Variants in EDC4 observed in about 807,000 individuals in gnomAD.
The protein encoded by EDC4 is enhancer of mRNA decapping 4, also known as enhancer of mRNA-decapping protein 4.
In EDC4, 64 loss-of-function variants were observed where a neutral mutation model predicts 155.8. That is an observed-to-expected ratio of 0.41 (90% CI 0.34 to 0.51). The LOEUF (loss-of-function observed/expected upper bound fraction) is 0.51. Ranked by LOEUF, EDC4 falls within the 20% of genes least tolerant of loss-of-function variation. The probability of loss-of-function intolerance (pLI) is 0.19; values close to 1 mark genes in which losing one functional copy is unlikely to be tolerated. For missense variants in EDC4, 1,303 were observed against 1,812.5 expected (o/e 0.72, Z 5.10); for synonymous variants, 684 against 716.8 (o/e 0.95, Z 0.73).
rs149942667 is a variant in EDC4 at position 67,877,602 on chromosome 16, C to T, written c.735C>T (p.Ser245=). The T allele has an allele frequency of 1.5e-5, 25 of 1,614,030 alleles. No individual in the cohort carries two copies. Among genetic ancestry groups the T allele is most frequent in the South Asian group, 2.2e-5 (2 of 91,084 alleles). The change falls in exon 6 of 29, where the codon AGC becomes AGT. Residue 245 remains serine, a synonymous_variant. Coordinates refer to ENST00000358933, the MANE Select transcript of EDC4 (RefSeq NM_014329.5). This position sits in a 1 kb window ranked among gnomAD's most constrained non-coding sequence, Gnocchi z 4.9. ...GGTGCCCCTTCATCCCTGAGGAGAGCGAAGACTGCTGTGAGGAGAGCAGCC... is the reference window on the plus strand; with the variant it reads ...GGTGCCCCTTCATCCCTGAGGAGAGTGAAGACTGCTGTGAGGAGAGCAGCC... The part of the protein sequence containing the change: ...IIWCPFIPEE[S]EDCCEESSPT...
In EDC4 at chr16:67,880,788, C is replaced by T. The variant is rs1452220132; in HGVS notation, c.2329C>T (p.His777Tyr). Residue 777 changes from histidine (H) to tyrosine (Y), a missense_variant, in exon 18 of 29, where the codon CAC (histidine) becomes TAC (tyrosine). By Grantham distance (83) the His-to-Tyr change is moderately conservative. Around this residue, in one of 5 missense-constraint regions of EDC4, gnomAD observed 391 missense variants for 445.4 expected, o/e 0.88. Coordinates refer to ENST00000358933, the MANE Select transcript of EDC4 (RefSeq NM_014329.5). The surrounding 1 kb of genome is among the most constrained non-coding windows in gnomAD (Gnocchi z 5.2). ...DSMASAASALHLLSPRPRPGP... is the reference protein window; with the variant it reads ...DSMASAASALYLLSPRPRPGP... Reference sequence around the variant, plus strand: ...TATGGCTTCAGCCGCCTCGGCACTGCACCTGCTGTCCCCACGGCCCCGGCC... The same window carrying T: ...TATGGCTTCAGCCGCCTCGGCACTGTACCTGCTGTCCCCACGGCCCCGGCC... The T allele has an allele frequency of 6.2e-7, 1 of 1,614,074 alleles. No individual in the cohort carries two copies. Among genetic ancestry groups the T allele is most frequent in the East Asian group, 2.2e-5 (1 of 44,874 alleles).
chr16:67,883,562 C>T lies in EDC4; in HGVS notation c.3850-6C>T. 3 of 1,612,890 alleles carry T rather than the reference C, an allele frequency of 1.9e-6. No homozygotes were observed. The highest frequency in any genetic ancestry group is 2.5e-6 in the Non-Finnish European group (3 of 1,179,870). On this transcript the variant is annotated splice_region_variant and splice_polypyrimidine_tract_variant and intron_variant, in intron 27 of 28. Coordinates refer to ENST00000358933, the MANE Select transcript of EDC4 (RefSeq NM_014329.5). The surrounding 1 kb of genome is among the most constrained non-coding windows in gnomAD (Gnocchi z 5.3). ...CTATAAACACTGCTGCTTTTTTCTC[C>T]TCCAGGCGCTGACAGCTGCTGACCT...
chr16:67,878,819 C>A lies in EDC4; in HGVS notation c.1267C>A (p.Leu423Ile), dbSNP rs769254133. The change falls in exon 11 of 29, where the codon CTC becomes ATC. Residue 423 changes from leucine (L) to isoleucine (I), a missense_variant. This residue lies in a region of EDC4 where 235 missense variants were observed against 367.7 expected (regional missense o/e 0.64). Transcript: ENST00000358933. The surrounding 1 kb of genome is among the most constrained non-coding windows in gnomAD (Gnocchi z 5.2). Reference sequence around the variant, plus strand: ...GGACCTCTCAGCAGAATACCTGATTCTCAGCGATGTGCAACGGAAGGTAGG... The same window carrying A: ...GGACCTCTCAGCAGAATACCTGATTATCAGCGATGTGCAACGGAAGGTAGG... Reference protein sequence around the residue: ...CLDLSAEYLILSDVQRKVLYV... With the variant: ...CLDLSAEYLIISDVQRKVLYV... 6.2e-7 allele frequency: 1 copy of A among 1,613,992 alleles called. No individual in the cohort carries two copies. The highest frequency in any genetic ancestry group is 1.1e-5 in the South Asian group (1 of 91,092).
In EDC4 at chr16:67,876,504, G is replaced by A. The variant is rs924477174; in HGVS notation, c.256G>A (p.Asp86Asn). The A allele has an allele frequency of 6.2e-6, 10 of 1,614,120 alleles. No homozygotes were observed. The highest frequency in any genetic ancestry group is 8.5e-6 in the Non-Finnish European group (10 of 1,180,036). Residue 86 changes from aspartate to asparagine, a missense_variant, in exon 3 of 29, where the codon GAT (aspartate) becomes AAT (asparagine). Asp to Asn is a conservative substitution (Grantham distance 23). Around this residue, in one of 5 missense-constraint regions of EDC4, gnomAD observed 99 missense variants for 121.3 expected, o/e 0.82. Coordinates refer to ENST00000358933, the MANE Select transcript of EDC4 (RefSeq NM_014329.5). The surrounding 1 kb of genome is among the most constrained non-coding windows in gnomAD (Gnocchi z 5.8). ...EKQVICLSGDDSSTCIGILAK... is the reference protein window; with the variant it reads ...EKQVICLSGDNSSTCIGILAK... ...TCCCCACAGCTGTCTCTCAGGAGAT[G>A]ATAGCTCCACCTGCATTGGGATTTT...
rs1180488304 is a variant in EDC4, at chr16:67,879,489, C to G, written c.1619C>G (p.Ala540Gly). The G allele has an allele frequency of 1.2e-6, 2 of 1,614,102 alleles. No homozygotes were observed. Among genetic ancestry groups the G allele is most frequent in the African/African-American group, 1.3e-5 (1 of 74,936 alleles). Residue 540 changes from alanine (A) to glycine (G), a missense_variant, in exon 14 of 29, where the codon GCC becomes GGC. Coordinates refer to ENST00000358933, the MANE Select transcript of EDC4 (RefSeq NM_014329.5). The surrounding 1 kb of genome is among the most constrained non-coding windows in gnomAD (Gnocchi z 6.0). The part of the protein sequence containing the change: ...DVVAPLPTHT[A>G]HEDFTFGESR... The stretch of plus-strand genomic sequence containing the variant: ...GTGGCCCCACTGCCCACCCACACTG[C>G]CCACGAGGACTTCAGTGAGTAGGGC...
chr16:67,882,370 G>A lies in EDC4; in HGVS notation c.3276+43G>A, dbSNP rs1278101402. The A allele has an allele frequency of 2.5e-6, 4 of 1,613,136 alleles. 1 individual carries two copies. Among genetic ancestry groups the A allele is most frequent in the South Asian group, 1.1e-5 (1 of 91,012 alleles). ...ATGTGGGTGGAGGTGGTGGTTCCTG[G>A]GCCTAGTCAGGCCAGGCTGGGCTCA... On this transcript the variant is annotated intron_variant, in intron 24 of 28. Coordinates refer to ENST00000358933, the MANE Select transcript of EDC4 (RefSeq NM_014329.5). This position sits in a 1 kb window ranked among gnomAD's most constrained non-coding sequence, Gnocchi z 7.2.
In EDC4 at chr16:67,878,080, G is replaced by A. The variant is rs1367095114; in HGVS notation, c.895-86G>A. ...GTCACACAAGCATGCCAGTCCCACCGTGAGTCAGCCCAGCTCATTGCCATC... is the reference window on the plus strand; with the variant it reads ...GTCACACAAGCATGCCAGTCCCACCATGAGTCAGCCCAGCTCATTGCCATC... On this transcript the variant is annotated intron_variant, in intron 7 of 28. Transcript: ENST00000358933. This position sits in a 1 kb window ranked among gnomAD's most constrained non-coding sequence, Gnocchi z 5.2. The A allele has an allele frequency of 2.3e-5, 37 of 1,578,936 alleles. No homozygotes were observed. In the East Asian group the frequency reaches 6.7e-4, roughly 28 times the overall value.
Position 67,884,039 on chromosome 16 carries a change from G to T in EDC4, c.4097G>T (p.Arg1366Leu). ...DHMGSVMAQV[R>L]QKLFQFLQAE... Reference sequence around the variant, plus strand: ...ATGGGCTCCGTTATGGCCCAGGTGCGCCAAAAGCTTTTTCAGTTCCTGCAG... The same window carrying T: ...ATGGGCTCCGTTATGGCCCAGGTGCTCCAAAAGCTTTTTCAGTTCCTGCAG... Residue 1366 changes from arginine (R) to leucine (L), a missense_variant, in exon 29 of 29, where the codon CGC (arginine) becomes CTC (leucine). Coordinates refer to ENST00000358933, the MANE Select transcript of EDC4 (RefSeq NM_014329.5). The surrounding 1 kb of genome is among the most constrained non-coding windows in gnomAD (Gnocchi z 4.1). The T allele has an allele frequency of 6.2e-7, 1 of 1,614,086 alleles. No individual in the cohort carries two copies. The highest frequency in any genetic ancestry group is 8.5e-7 in the Non-Finnish European group (1 of 1,180,016).
At position 67,880,759 on chromosome 16, in the gene EDC4, A is replaced by G; in HGVS notation, c.2300A>G (p.Asp767Gly). 2.5e-6 allele frequency: 4 copies of G among 1,614,188 alleles called. No individual in the cohort carries two copies. Among genetic ancestry groups the G allele is most frequent in the South Asian group, 1.1e-5 (1 of 91,090 alleles). ...GSSAPEGLEP[D>G]SMASAASALH... is the part of the protein sequence containing the mutation. ...TCTGCACCAGAGGGCCTTGAGCCAG[A>G]CAGTATGGCTTCAGCCGCCTCGGCA... The change falls in exon 18 of 29, where the codon GAC (aspartate) becomes GGC (glycine). Residue 767 changes from aspartate to glycine, a missense_variant. By Grantham distance (94) the Asp-to-Gly change is moderately conservative. This residue lies in a region of EDC4 where 391 missense variants were observed against 445.4 expected (regional missense o/e 0.88). Transcript: ENST00000358933. This position sits in a 1 kb window ranked among gnomAD's most constrained non-coding sequence, Gnocchi z 5.2.
rs772941942 is a variant in EDC4 at position 67,879,900 on chromosome 16, CAGT to C, written c.1875_1877del (p.Ser629del). 6.3e-5 allele frequency: 102 copies of C among 1,611,710 alleles called. 1 individual carries two copies. The highest frequency in any genetic ancestry group is 8.3e-5 in the Non-Finnish European group (98 of 1,178,832). ...GCAGCGGTAGCAGCAGCAGCAGCAG[CAGT>C]AGCAGCAGCTCCCTTACAGCTGTGT... On this transcript the variant is annotated inframe_deletion, in exon 16 of 29. Transcript: ENST00000358933. The surrounding 1 kb of genome is among the most constrained non-coding windows in gnomAD (Gnocchi z 6.0).
chr16:67,874,226 G>A, intron 1 of EDC4, among the ~76,000 whole-genome samples: 1 of 152,296 alleles, frequency 6.6e-6, no homozygotes, highest in East Asian at 1.9e-4. Context: ...TAGCACGTGT[G>A]CAGGCACTAG....
intron 1 of EDC4, 91 bp from the exon 2 acceptor site, chr16:67,875,854 G>A (rs2058039166): frequency 1.1e-5 from 17 of 1,534,156 alleles, no homozygotes; most frequent in Non-Finnish European, 1.5e-5. Flanking sequence ...TGTTCCTAGA[G>A]CACCTCATAG....
Position 67,884,103 on chromosome 16 carries a change from T to G in EDC4, c.4161T>G (p.Arg1387=), listed in dbSNP as rs756076995. 1.9e-6 allele frequency: 3 copies of G among 1,613,946 alleles called. No homozygotes were observed. The highest frequency in any genetic ancestry group is 2.5e-6 in the Non-Finnish European group (3 of 1,179,930). The change falls in exon 29 of 29, where the codon CGT becomes CGG. Residue 1387 remains arginine (R), a synonymous_variant. Coordinates refer to ENST00000358933, the MANE Select transcript of EDC4 (RefSeq NM_014329.5). The surrounding 1 kb of genome is among the most constrained non-coding windows in gnomAD (Gnocchi z 4.1). ...ACTCACTTGGCAAAGCAGCTCGGCG[T>G]CTCAGCCTCATGCTGCATGGCCTCG... is the stretch of plus-strand genomic sequence containing the variant. ...PHNSLGKAAR[R]LSLMLHGLVT... is the part of the protein sequence containing the mutation.
In EDC4 at chr16:67,877,223, A is replaced by G. The variant is rs369481039; in HGVS notation, c.458A>G (p.Asn153Ser). 4 of 1,612,510 alleles carry G rather than the reference A, an allele frequency of 2.5e-6. No individual in the cohort carries two copies. Among genetic ancestry groups the G allele is most frequent in the African/African-American group, 1.3e-5 (1 of 74,906 alleles). Residue 153 changes from asparagine (N) to serine (S), a missense_variant, in exon 5 of 29, where the codon AAC (asparagine) becomes AGC (serine). This residue lies in a region of EDC4 where 51 missense variants were observed against 121.1 expected (regional missense o/e 0.42). Coordinates refer to ENST00000358933, the MANE Select transcript of EDC4 (RefSeq NM_014329.5). The surrounding 1 kb of genome is among the most constrained non-coding windows in gnomAD (Gnocchi z 4.9). ...SFLAYAIRAA[N>S]NGSAMVRVIS... ...ACTGCTCTCCTGATTCCAGCTGCCA[A>G]CAATGGCTCTGCCATGGTGCGGGTG...
At position 67,879,097 on chromosome 16, in the gene EDC4, G is replaced by A. The variant is rs1405378020; in HGVS notation, c.1428G>A (p.Glu476=). The change falls in exon 12 of 29, where the codon GAG becomes GAA. Residue 476 remains glutamate, a synonymous_variant. Coordinates refer to ENST00000358933, the MANE Select transcript of EDC4 (RefSeq NM_014329.5). This position sits in a 1 kb window ranked among gnomAD's most constrained non-coding sequence, Gnocchi z 6.0. The part of the protein sequence containing the change: ...VVSRCRLRHT[E]VLPAEEENDS... ...GTCGCTGCCGGCTACGGCACACTGAGGTGCTGCCTGCCGAAGAGGAAAATG... is the reference window on the plus strand; with the variant it reads ...GTCGCTGCCGGCTACGGCACACTGAAGTGCTGCCTGCCGAAGAGGAAAATG... The A allele has an allele frequency of 1.2e-6, 2 of 1,613,910 alleles. No individual in the cohort carries two copies. Among genetic ancestry groups the A allele is most frequent in the South Asian group, 2.2e-5 (2 of 91,090 alleles).
rs1377854611 is a variant in EDC4, at chr16:67,882,992, A to G, written c.3664A>G (p.Ile1222Val). The change falls in exon 27 of 29, where the codon ATC (isoleucine) becomes GTC (valine). Residue 1222 changes from isoleucine to valine, a missense_variant. Around this residue, in one of 5 missense-constraint regions of EDC4, gnomAD observed 527 missense variants for 757.0 expected, o/e 0.70. Coordinates refer to ENST00000358933, the MANE Select transcript of EDC4 (RefSeq NM_014329.5). This position sits in a 1 kb window ranked among gnomAD's most constrained non-coding sequence, Gnocchi z 7.2. Reference sequence around the variant, plus strand: ...GTCCATTTTAGCACAGGTACAGCGCATCGTTAAGGGTGAGGTGAGTGTGGC... The same window carrying G: ...GTCCATTTTAGCACAGGTACAGCGCGTCGTTAAGGGTGAGGTGAGTGTGGC... The part of the protein sequence containing the change: ...QESILAQVQR[I>V]VKGEVSVALK... 1.2e-6 allele frequency: 2 copies of G among 1,614,164 alleles called. No homozygotes were observed. Among genetic ancestry groups the G allele is most frequent in the Non-Finnish European group, 1.7e-6 (2 of 1,180,014 alleles).
rs377386261 is a variant in EDC4 at position 67,881,761 on chromosome 16, C to T, written c.2920C>T (p.Arg974Cys). ...LRHSQEELLQRLCTQLEGLQS... is the reference protein window; with the variant it reads ...LRHSQEELLQCLCTQLEGLQS... ...GCACAGCCAGGAAGAGCTGCTGCAG[C>T]GTCTGTGTACCCAACTCGAAGGCCT... The change falls in exon 22 of 29, where the codon CGT becomes TGT. Residue 974 changes from arginine (R) to cysteine (C), a missense_variant. Arg to Cys is a radical substitution (Grantham distance 180). This residue lies in a region of EDC4 where 527 missense variants were observed against 757.0 expected (regional missense o/e 0.70). Transcript: ENST00000358933. This position sits in a 1 kb window ranked among gnomAD's most constrained non-coding sequence, Gnocchi z 5.4. The T allele has an allele frequency of 1.5e-5, 24 of 1,614,012 alleles. No individual in the cohort carries two copies. The highest frequency in any genetic ancestry group is 5.0e-5 in the Admixed American group (3 of 60,004).
Position 67,873,289 on chromosome 16 carries a change from G to A in EDC4, c.28G>A (p.Glu10Lys), listed in dbSNP as rs2058027639. 2.0e-6 allele frequency: 3 copies of A among 1,475,414 alleles called. No homozygotes were observed. Among genetic ancestry groups the A allele is most frequent in the Non-Finnish European group, 2.7e-6 (3 of 1,116,918 alleles). 91.4% of individuals were successfully genotyped at this position (1,475,414 alleles called of 1,614,324 possible). ...GGCCTCCTGCGCGAGCATCGACATCGAGGACGCCACGCAGCACCTGCGGGA... is the reference window on the plus strand; with the variant it reads ...GGCCTCCTGCGCGAGCATCGACATCAAGGACGCCACGCAGCACCTGCGGGA... MASCASIDI[E>K]DATQHLRDIL... The change falls in exon 1 of 29, where the codon GAG becomes AAG. Residue 10 changes from glutamate (E) to lysine (K), a missense_variant. Glu to Lys is a moderately conservative substitution (Grantham distance 56, BLOSUM62 1). This residue lies in a region of EDC4 where 99 missense variants were observed against 121.3 expected (regional missense o/e 0.82). Transcript: ENST00000358933.
In EDC4 at chr16:67,876,590, A is replaced by G. The variant is rs745809796; in HGVS notation, c.342A>G (p.Gly114=). Reference sequence around the variant, plus strand: ...CTAGCATTTCAAGCAAGGCCCGGGGAAGCAACAAGGTAGGTACTGGGATGC... The same window carrying G: ...CTAGCATTTCAAGCAAGGCCCGGGGGAGCAACAAGGTAGGTACTGGGATGC... ...SDSSISSKAR[G]SNKVKIQPVA... Residue 114 remains glycine, a synonymous_variant, in exon 3 of 29, where the codon GGA becomes GGG. Transcript: ENST00000358933. This position sits in a 1 kb window ranked among gnomAD's most constrained non-coding sequence, Gnocchi z 5.8. 1 of 1,614,032 alleles carries G rather than the reference A, an allele frequency of 6.2e-7. No homozygotes were observed. Among genetic ancestry groups the G allele is most frequent in the East Asian group, 2.2e-5 (1 of 44,886 alleles).
Sources: gnomAD v4.1 joint callset for allele counts (sites outside exome capture counted in the v4.1 genomes callset) on GRCh38, gnomAD v4.1.1 for gene constraint, gnomAD v4.1.1 regional missense constraint, Gnocchi (gnomAD v3.1) non-coding constraint, MANE v1.5 for transcripts, NCBI Gene and HGNC (gene_info 2026-07-23, HGNC 2026-07-21) for gene names.